Variants in SIRPD observed in about 807,000 individuals in gnomAD.
The protein encoded by SIRPD is signal-regulatory protein delta.
A neutral mutation model predicts 18.0 loss-of-function variants in SIRPD; 21 were observed. The observed-to-expected ratio is 1.17, with a 90% CI of 0.83 to 1.68. The LOEUF is 1.68. Among genes scored for constraint, SIRPD ranks in the 40% most tolerant of loss-of-function variants. SIRPD has a pLI of 0.00. For missense variants in SIRPD, 295 were observed against 238.4 expected (o/e 1.24, Z -1.56); for synonymous variants, 106 against 92.9 (o/e 1.14, Z -0.81).
At chr20:1,556,354 T>C (rs1006065850) in intron 1 of SIRPD, among the ~76,000 whole-genome samples, 6 of 152,188 alleles carry the variant, frequency 3.9e-5, no homozygotes, top group African/African-American at 1.2e-4. Flanking sequence ...TAACTCTCCA[T>C]TGAATAAAAA....
chr20:1,543,770 T>A (rs564737192), intron 2 of SIRPD, among the ~76,000 whole-genome samples: 2 of 152,344 alleles, frequency 1.3e-5, no homozygotes, highest in South Asian at 2.1e-4. Flanking sequence ...TAAATTTCCC[T>A]CTAAACACTG....
chr20:1,550,168 C>T (rs1478373692), intron 2 of SIRPD, among the ~76,000 whole-genome samples: 1 of 152,190 alleles, frequency 6.6e-6, no homozygotes, highest in African/African-American at 2.4e-5. Context: ...GGCTCAACTT[C>T]CTCATCTGAT....
intron 3 of SIRPD, among the ~76,000 whole-genome samples, chr20:1,536,761 T>C (rs2090947321): frequency 6.6e-6 from 1 of 152,204 alleles, no homozygotes; most frequent in Admixed American, 6.5e-5. Flanking sequence ...CCTGTCTCCC[T>C]CCTGGGGACC....
chr20:1,555,335 G>T (rs565376634), intron 1 of SIRPD, among the ~76,000 whole-genome samples: 1 of 152,316 alleles, frequency 6.6e-6, no homozygotes, highest in East Asian at 1.9e-4. Context: ...GGTCTGGGGT[G>T]GTGGAGAGTT....
rs145641015 is a variant in SIRPD, at chr20:1,551,934, C to T, written c.178G>A (p.Gly60Arg). 2 of 1,614,030 alleles carry T rather than the reference C, an allele frequency of 1.2e-6. No homozygotes were observed. The highest frequency in any genetic ancestry group is 1.7e-6 in the Non-Finnish European group (2 of 1,179,992). ...SCSVPNTLPN[G>R]PVLWFKGTGP... The stretch of plus-strand genomic sequence containing the variant: ...GTTCCCTTGAACCACAAGACAGGTC[C>T]ATTTGGTAAGGTATTGGGTACGCTG... The change falls in exon 2 of 4, where the codon GGA becomes AGA. Residue 60 changes from glycine to arginine, a missense_variant. Transcript: ENST00000381623.
intron 2 of SIRPD, among the ~76,000 whole-genome samples, chr20:1,537,547 A>G (rs1276828721): frequency 6.6e-6 from 1 of 152,038 alleles, no homozygotes; most frequent in African/African-American, 2.4e-5. Flanking sequence ...TGTGCTGGTG[A>G]CCCTTCCTCA....
chr20:1,557,116 G>T (rs544621317), intron 1 of SIRPD, among the ~76,000 whole-genome samples: 33 of 152,210 alleles, frequency 2.2e-4, no homozygotes, highest in Admixed American at 3.3e-4. Flanking sequence ...AGCTGGGCAT[G>T]GTGGCGCGTG....
At chr20:1,535,446 G>A (rs1007085362) in intron 3 of SIRPD, among the ~76,000 whole-genome samples, 2 of 152,238 alleles carry the variant, frequency 1.3e-5, no homozygotes, top group Non-Finnish European at 2.9e-5. Context: ...AGGACTCTGC[G>A]TTATTTCACA....
chr20:1,549,338 A>C (rs2091007781), intron 2 of SIRPD, among the ~76,000 whole-genome samples: 2 of 149,406 alleles, frequency 1.3e-5, no homozygotes, highest in African/African-American at 4.9e-5. Context: ...TAAGTTTGAC[A>C]TCTGATGGCC....
chr20:1,541,502 A>G (rs1218228281), intron 2 of SIRPD, among the ~76,000 whole-genome samples: 1 of 152,024 alleles, frequency 6.6e-6, no homozygotes, highest in Non-Finnish European at 1.5e-5. Flanking sequence ...TTTTTCTTGT[A>G]CATTTGTTCA....
chr20:1,541,435 T>A (rs1380991544), intron 2 of SIRPD, among the ~76,000 whole-genome samples: 1 of 152,238 alleles, frequency 6.6e-6, no homozygotes, highest in Non-Finnish European at 1.5e-5. Context: ...ATAAATGTCT[T>A]CTTTTGAAAA....
chr20:1,537,010 G>T, intron 3 of SIRPD, 145 bp downstream of exon 3: 1 of 826,924 alleles, frequency 1.2e-6, no homozygotes, highest in South Asian at 1.8e-5. Context: ...ATTTAGGGAA[G>T]TGTCTTAAAG....
intron 2 of SIRPD, among the ~76,000 whole-genome samples, chr20:1,550,954 G>A (rs2091016290): frequency 6.6e-6 from 1 of 152,212 alleles, no homozygotes; most frequent in South Asian, 2.1e-4. Flanking sequence ...ACCACAAGTA[G>A]CAAAACACTA....
In SIRPD at chr20:1,534,407, G is replaced by A. The variant is rs749802902; in HGVS notation, c.*18C>T. 6 of 1,612,242 alleles carry A rather than the reference G, an allele frequency of 3.7e-6. No homozygotes were observed. Among genetic ancestry groups the A allele is most frequent in the Middle Eastern group, 3.9e-4 (2 of 5,086 alleles). On this transcript the variant is annotated 3_prime_UTR_variant, in exon 4 of 4. Coordinates refer to ENST00000381623, the MANE Select transcript of SIRPD (RefSeq NM_178460.3). ...GGGGGCTTTTGTTATTTACTTGTAC[G>A]TTCCTTCCCTGTTTGGATTATTTTG...
chr20:1,547,829 T>C (rs1347629044), intron 2 of SIRPD, among the ~76,000 whole-genome samples: 1 of 152,220 alleles, frequency 6.6e-6, no homozygotes, highest in Non-Finnish European at 1.5e-5. Flanking sequence ...CATTTTTTTG[T>C]AGTTTTCAGA....
intron 3 of SIRPD, among the ~76,000 whole-genome samples, chr20:1,535,848 A>G (rs2090942983): frequency 6.6e-6 from 1 of 152,194 alleles, no homozygotes; most frequent in African/African-American, 2.4e-5. Context: ...TTTTGTTGTG[A>G]TACTGAAACC....
At chr20:1,539,718 ATCT>A (rs2123118991) in intron 2 of SIRPD, among the ~76,000 whole-genome samples, 1 of 152,294 alleles carries the variant, frequency 6.6e-6, no homozygotes, top group South Asian at 2.1e-4. Context: ...TGTGACTTGT[ATCT>A]TCTTCTTCCC....
intron 2 of SIRPD, among the ~76,000 whole-genome samples, chr20:1,547,650 G>A (rs777620937): frequency 6.6e-6 from 1 of 152,134 alleles, no homozygotes; most frequent in African/African-American, 2.4e-5. Context: ...CCACATGAAT[G>A]TTAAGATCAG....
intron 2 of SIRPD, among the ~76,000 whole-genome samples, chr20:1,547,707 G>T (rs1466712357): frequency 6.6e-6 from 1 of 152,198 alleles, no homozygotes; most frequent in African/African-American, 2.4e-5. Context: ...GATAAGGATT[G>T]TGTTGGATCT....
Sources: gnomAD v4.1 joint callset for allele counts (sites outside exome capture counted in the v4.1 genomes callset) on GRCh38, gnomAD v4.1.1 for gene constraint, MANE v1.5 for transcripts, NCBI Gene and HGNC (gene_info 2026-07-23, HGNC 2026-07-21) for gene names.